Variants in TMEM150C observed in about 807,000 individuals in gnomAD.
TMEM150C encodes transmembrane protein 150C.
A neutral mutation model predicts 29.9 loss-of-function variants in TMEM150C; 10 were observed. The observed-to-expected ratio is 0.33, with a 90% CI of 0.21 to 0.57. The LOEUF is 0.57. TMEM150C is among the 20% of genes least tolerant of loss of function. The pLI is 0.88. For synonymous variants in TMEM150C, 101 were observed against 112.5 expected, an observed-to-expected ratio of 0.90 and a Z score of 0.64; for missense variants, 251 against 303.6, an observed-to-expected ratio of 0.83 and a Z score of 1.29.
intron 1 of TMEM150C, among the ~76,000 whole-genome samples, chr4:82,522,074 T>G (rs1197700691): frequency 1.3e-5 from 2 of 152,010 alleles, no homozygotes; most frequent in East Asian, 1.9e-4. Context: ...AAAAAAAAAT[T>G]TACTCTTTGT....
chr4:82,536,718 A>C (rs1047802361), intron 1 of TMEM150C, among the ~76,000 whole-genome samples: 15 of 152,164 alleles, frequency 9.9e-5, no homozygotes, highest in Non-Finnish European at 1.5e-4. Context: ...TAAAAACAAA[A>C]AAAAAATGAA....
intron 5 of TMEM150C, among the ~76,000 whole-genome samples, chr4:82,499,591 C>T (rs909702294): frequency 6.6e-6 from 1 of 151,962 alleles, no homozygotes; most frequent in African/African-American, 2.4e-5. Flanking sequence ...GGCGTGGTGG[C>T]ACATGCCTGT....
chr4:82,530,511 C>T (rs1380689361), intron 1 of TMEM150C, among the ~76,000 whole-genome samples: 2 of 152,026 alleles, frequency 1.3e-5, no homozygotes, highest in South Asian at 2.1e-4. Flanking sequence ...GAGCCAAGAT[C>T]GCGCCACCGC....
chr4:82,562,076 C>CT, upstream of TMEM150C: 1 of 1,179,966 alleles, frequency 8.5e-7, no homozygotes, highest in South Asian at 1.5e-5. Context: ...CCGACTTATT[C>CT]TGGGGTCCCC....
intron 1 of TMEM150C, among the ~76,000 whole-genome samples, chr4:82,556,803 T>C (rs922713046): frequency 2.6e-5 from 4 of 152,234 alleles, no homozygotes; most frequent in Non-Finnish European, 5.9e-5. Flanking sequence ...ATATGGAGCA[T>C]TTATTCAAGC....
intron 1 of TMEM150C, among the ~76,000 whole-genome samples, chr4:82,542,643 T>C (rs1202150584): frequency 1.3e-5 from 2 of 152,174 alleles, no homozygotes; most frequent in Non-Finnish European, 2.9e-5. Context: ...TCTTAAAAAT[T>C]TGTAATGCAT....
At chr4:82,485,780 A>G in intron 7 of TMEM150C, 61 bp from the exon 8 acceptor site, 1 of 1,459,454 alleles carries the variant, frequency 6.9e-7, no homozygotes, top group East Asian at 2.5e-5. Context: ...GAATCTTTTC[A>G]GGGCAGAGAC....
chr4:82,555,756 G>A (rs952686141), intron 1 of TMEM150C, among the ~76,000 whole-genome samples: 1 of 152,212 alleles, frequency 6.6e-6, no homozygotes, highest in Non-Finnish European at 1.5e-5. Flanking sequence ...TTACTGGGAT[G>A]TAGGTACTGC....
Position 82,496,128 on chromosome 4 carries a change from A to G in TMEM150C, c.303T>C (p.Ile101=). The G allele has an allele frequency of 6.2e-7, 1 of 1,613,978 alleles. No individual in the cohort carries two copies. The highest frequency in any genetic ancestry group is 8.5e-7 in the Non-Finnish European group (1 of 1,179,870). The change falls in exon 6 of 8, where the codon ATT becomes ATC. Residue 101 remains isoleucine (I), a synonymous_variant. Coordinates refer to ENST00000449862, the MANE Select transcript of TMEM150C (RefSeq NM_001080506.3). The part of the protein sequence containing the change: ...KPKVLNPWLN[I]SGLVALCLAS... ...CCAGACACAGAGCCACCAATCCACT[A>G]ATATTCAGCCACGGGTTTAAAACCT...
intron 6 of TMEM150C, among the ~76,000 whole-genome samples, chr4:82,493,083 G>A (rs1418888922): frequency 6.6e-6 from 1 of 151,020 alleles, no homozygotes; most frequent in African/African-American, 2.4e-5. Flanking sequence ...TAAACCCATT[G>A]TGAAAGTATT....
chr4:82,542,041 T>C (rs982439349), intron 1 of TMEM150C, among the ~76,000 whole-genome samples: 1 of 152,116 alleles, frequency 6.6e-6, no homozygotes, highest in African/African-American at 2.4e-5. Flanking sequence ...ACAAGGACAG[T>C]TTTCCTAAAT....
At chr4:82,486,150 C>A (rs190147295) in intron 7 of TMEM150C, among the ~76,000 whole-genome samples, 1 of 151,894 alleles carries the variant, frequency 6.6e-6, no homozygotes, top group African/African-American at 2.4e-5. Context: ...CTAACTCCTG[C>A]GCCATGTATT....
chr4:82,490,676 T>C (rs1723311133), intron 6 of TMEM150C: 4 of 313,288 alleles, frequency 1.3e-5, no homozygotes, highest in South Asian at 1.3e-4. Context: ...CACGGCTCCC[T>C]GGCTCAAAGC....
At chr4:82,509,006 T>A (rs1724031395) in intron 1 of TMEM150C, among the ~76,000 whole-genome samples, 1 of 152,208 alleles carries the variant, frequency 6.6e-6, no homozygotes, top group Non-Finnish European at 1.5e-5. Context: ...AATGGTATCA[T>A]TTATCCAAAT....
chr4:82,483,407 CA>C lies in TMEM150C; in HGVS notation c.*2103del, dbSNP rs1329535406. ...AAAAAAGAAACCCAAAAGCAGTATT[CA>C]AAACTAACAAATGTCACCTTGGACT... On this transcript the variant is annotated 3_prime_UTR_variant, in exon 8 of 8. Transcript: ENST00000449862. 4 of 152,162 alleles carry C rather than the reference CA, an allele frequency of 2.6e-5. No individual in the cohort carries two copies. Among genetic ancestry groups the C allele is most frequent in the Admixed American group, 1.3e-4 (2 of 15,274 alleles). 9.4% of individuals were successfully genotyped at this position (152,162 alleles called of 1,614,324 possible). A position where few individuals can be genotyped will look rare whatever the true frequency, so the allele number is the denominator to read the frequency against.
chr4:82,490,833 T>A, intron 6 of TMEM150C: 1 of 623,092 alleles, frequency 1.6e-6, no homozygotes, highest in Non-Finnish European at 3.0e-6. Flanking sequence ...TTAACCCAGC[T>A]TGGTGGCAAG....
chr4:82,544,660 T>C (rs909011895), intron 1 of TMEM150C, among the ~76,000 whole-genome samples: 5 of 152,104 alleles, frequency 3.3e-5, no homozygotes, highest in African/African-American at 1.2e-4. Flanking sequence ...ACACCTGTGG[T>C]CCCAGCTACT....
intron 1 of TMEM150C, among the ~76,000 whole-genome samples, chr4:82,523,234 C>A (rs1444794687): frequency 6.6e-6 from 1 of 151,808 alleles, no homozygotes; most frequent in African/African-American, 2.4e-5. Context: ...GGGATGGGGG[C>A]GGGGGGGTGC....
At chr4:82,528,518 A>T (rs1254282988) in intron 1 of TMEM150C, among the ~76,000 whole-genome samples, 1 of 152,156 alleles carries the variant, frequency 6.6e-6, no homozygotes, top group African/African-American at 2.4e-5. Flanking sequence ...ATGCATAAAA[A>T]TTCATTGGAA....
Sources: allele counts gnomAD v4.1 joint callset (sites outside exome capture counted in the v4.1 genomes callset), GRCh38; gene constraint gnomAD v4.1.1; transcripts MANE v1.5; gene names NCBI Gene and HGNC (gene_info 2026-07-23, HGNC 2026-07-21).